Variants in PAM observed in about 807,000 individuals in gnomAD.
The protein encoded by PAM is peptidyl-glycine alpha-amidating monooxygenase.
PAM carries 72 observed loss-of-function variants against 122.1 expected under a neutral mutation model. The ratio of observed to expected loss-of-function variants is 0.59; its 90% CI spans 0.49 to 0.72. PAM has a LOEUF of 0.72. Among genes scored for constraint, PAM ranks in the 30% least tolerant of loss-of-function variants. The probability of loss-of-function intolerance (pLI) is 0.00; values close to 1 mark genes in which losing one functional copy is unlikely to be tolerated. For missense variants in PAM, 1,106 were observed against 1,183.7 expected (o/e 0.93, Z 0.96); for synonymous variants, 389 against 404.4 (o/e 0.96, Z 0.46).
chr5:102,894,323 T>C (rs895940664), intron 3 of PAM, among the ~76,000 whole-genome samples: 3 of 151,748 alleles, frequency 2.0e-5, no homozygotes, highest in African/African-American at 7.2e-5. Context: ...TATTGTATTA[T>C]AGACATGCCT....
chr5:102,921,322 C>CT (rs1458418770), intron 5 of PAM, among the ~76,000 whole-genome samples: 4 of 151,730 alleles, frequency 2.6e-5, no homozygotes, highest in African/African-American at 7.3e-5. Context: ...TCCATAGGTC[C>CT]TTTTTTTTGG....
chr5:102,958,192 G>A (rs1761392993), intron 12 of PAM, among the ~76,000 whole-genome samples: 2 of 152,124 alleles, frequency 1.3e-5, no homozygotes, highest in South Asian at 4.1e-4. Flanking sequence ...AGAAAATATG[G>A]AAGGACCCAT....
At chr5:102,983,707 CGTA>C (rs1770735398) in intron 15 of PAM, among the ~76,000 whole-genome samples, 1 of 151,952 alleles carries the variant, frequency 6.6e-6, no homozygotes, top group Non-Finnish European at 1.5e-5. Context: ...ATAGCTTCAA[CGTA>C]AAGGGTCTTC....
intron 23 of PAM, among the ~76,000 whole-genome samples, chr5:103,024,710 G>C (rs1784483624): frequency 6.6e-6 from 1 of 152,154 alleles, no homozygotes; most frequent in African/African-American, 2.4e-5. Flanking sequence ...CTGTGGCCCA[G>C]ATAATTTAAG....
At chr5:102,880,637 A>G (rs1023964717) in intron 3 of PAM, among the ~76,000 whole-genome samples, 4 of 152,178 alleles carry the variant, frequency 2.6e-5, no homozygotes, top group African/African-American at 9.6e-5. Flanking sequence ...ATGACTCTTT[A>G]GTAGTATCCA....
At chr5:103,016,420 A>T (rs899506544) in intron 21 of PAM, among the ~76,000 whole-genome samples, 9 of 152,234 alleles carry the variant, frequency 5.9e-5, no homozygotes, top group African/African-American at 2.2e-4. Flanking sequence ...GTATCCAGGC[A>T]GGCCTTCTGG....
chr5:102,850,706 C>G (rs928955029), intron 1 of PAM, among the ~76,000 whole-genome samples: 2 of 152,180 alleles, frequency 1.3e-5, no homozygotes, highest in African/African-American at 4.8e-5. Flanking sequence ...ACTTCCCCAC[C>G]AAGCGCGGGT....
chr5:102,971,049 C>T (rs1055806033), intron 14 of PAM, among the ~76,000 whole-genome samples: 4 of 152,134 alleles, frequency 2.6e-5, no homozygotes, highest in South Asian at 2.1e-4. Context: ...TCAAGTAATC[C>T]GCCCGCCTTG....
chr5:102,925,980 G>A (rs183201230), intron 6 of PAM, among the ~76,000 whole-genome samples: 27 of 152,090 alleles, frequency 1.8e-4, no homozygotes, highest in Admixed American at 1.5e-3. Context: ...CACAGCAGAA[G>A]AAAAGTAATG....
rs1384864878 is a variant in PAM at position 102,925,907 on chromosome 5, T to C, written c.443-678T>C. 3.3e-5 allele frequency among the ~76,000 whole-genome samples: 5 copies of C among 152,212 alleles called. No homozygotes were observed. In the East Asian group the frequency reaches 9.6e-4, roughly 29 times the overall value. On this transcript the variant is annotated intron_variant, in intron 6 of 25. Coordinates refer to ENST00000438793, the MANE Select transcript of PAM (RefSeq NM_001177306.2). The stretch of plus-strand genomic sequence containing the variant: ...AGATTCCAAAAAATCACTGAGATAA[T>C]GGACTTCAGTAATCTAGTTGGTAAC...
In PAM at chr5:103,029,122, C is replaced by A; in HGVS notation, c.*57C>A. The A allele has an allele frequency of 7.1e-7, 1 of 1,402,486 alleles. No individual in the cohort carries two copies. The highest frequency in any genetic ancestry group is 9.8e-7 in the Non-Finnish European group (1 of 1,016,666). The allele number at this position is 1,402,486 out of a possible 1,614,324, so 86.9% of individuals were successfully genotyped here. On this transcript the variant is annotated 3_prime_UTR_variant, in exon 26 of 26. Coordinates refer to ENST00000438793, the MANE Select transcript of PAM (RefSeq NM_001177306.2). ...TTACCCAGAATGTCAGATTCCTTTC[C>A]CTTTAGCACGTTTAAAGTTCTGTGT...
intron 12 of PAM, among the ~76,000 whole-genome samples, chr5:102,959,510 A>G (rs1413128411): frequency 6.6e-6 from 1 of 152,182 alleles, no homozygotes; most frequent in Non-Finnish European, 1.5e-5. Flanking sequence ...TTCCACGAGA[A>G]CAATAACTTT....
At chr5:102,918,617 TTTACTC>T (rs1463394221) in intron 5 of PAM, among the ~76,000 whole-genome samples, 7 of 152,268 alleles carry the variant, frequency 4.6e-5, no homozygotes, top group African/African-American at 1.7e-4. Context: ...TCATTCTGTT[TTTACTC>T]TTAATCAATT....
At chr5:102,766,926 A>ATTTTGTTTTTTTTTTTTTTTT (rs1754143913) in intron 1 of PAM, among the ~76,000 whole-genome samples, 1 of 25,830 alleles carries the variant, frequency 3.9e-5, no homozygotes, top group Non-Finnish European at 7.7e-5. Flanking sequence ...TCAGTTGTGG[A>ATTTTGTTTTTTTTTTTTTTTT]TTTTTTTTTT....
chr5:102,914,029 T>C lies in PAM; in HGVS notation c.356+8T>C. The C allele has an allele frequency of 6.9e-7, 1 of 1,457,856 alleles. No individual in the cohort carries two copies. The highest frequency in any genetic ancestry group is 9.6e-7 in the Non-Finnish European group (1 of 1,037,678). The allele number at this position is 1,457,856 out of a possible 1,614,324, so 90.3% of individuals were successfully genotyped here. ...ATCCACTGGAAGTTACTGGTAAGGATAATGGGTTTACAGTATAGAAGGGTG... is the reference window on the plus strand; with the variant it reads ...ATCCACTGGAAGTTACTGGTAAGGACAATGGGTTTACAGTATAGAAGGGTG... On this transcript the variant is annotated splice_region_variant and intron_variant, in intron 5 of 25. Transcript: ENST00000438793.
intron 1 of PAM, among the ~76,000 whole-genome samples, chr5:102,764,770 A>G (rs1332225941): frequency 6.6e-6 from 1 of 152,198 alleles, no homozygotes; most frequent in Non-Finnish European, 1.5e-5. Flanking sequence ...TTACCACAAC[A>G]GCAAACCGTG....
At chr5:102,979,069 C>T (rs1768810250) in intron 15 of PAM, among the ~76,000 whole-genome samples, 1 of 151,594 alleles carries the variant, frequency 6.6e-6, no homozygotes, top group Non-Finnish European at 1.5e-5. Flanking sequence ...CACGCACACA[C>T]ACATACACAC....
chr5:102,871,395 T>C (rs1401138067), intron 3 of PAM, among the ~76,000 whole-genome samples: 1 of 152,120 alleles, frequency 6.6e-6, no homozygotes, highest in Non-Finnish European at 1.5e-5. Flanking sequence ...AATGGCTTCA[T>C]GGAGAAGCTA....
chr5:102,918,244 C>CCTAT (rs1746135251), intron 5 of PAM, among the ~76,000 whole-genome samples: 1 of 152,128 alleles, frequency 6.6e-6, no homozygotes. Context: ...AACAATTAAC[C>CCTAT]CTATCTAGGG....
Sources: gnomAD v4.1 joint callset for allele counts (sites outside exome capture counted in the v4.1 genomes callset) on GRCh38, gnomAD v4.1.1 for gene constraint, MANE v1.5 for transcripts, NCBI Gene and HGNC (gene_info 2026-07-23, HGNC 2026-07-21) for gene names.